ADGRL3: variants seen among roughly 807,000 people sequenced by gnomAD.
ADGRL3 encodes calcium-independent alpha-latrotoxin receptor 3.
In ADGRL3, 62 loss-of-function variants were observed where a neutral mutation model predicts 153.5. That is an observed-to-expected ratio of 0.40 (90% CI 0.33 to 0.50). The LOEUF (loss-of-function observed/expected upper bound fraction) is 0.50. ADGRL3 is among the 20% of genes least tolerant of loss of function. ADGRL3 has a pLI of 0.47. For synonymous variants in ADGRL3, 710 were observed against 672.5 expected (o/e 1.06, Z -0.86); for missense variants, 1,641 against 1,859.4 (o/e 0.88, Z 2.16).
rs745432386 is a variant in ADGRL3 at position 61,469,488 on chromosome 4, G to T, written c.-173-27633G>T. On this transcript the variant is annotated intron_variant, in intron 2 of 26. Transcript: ENST00000683033. ...TCCTTAGAAGCATTGGTCAGTTTTA[G>T]TTTGTGTGTGGGTAGGTGTGTTTTT... is the stretch of plus-strand genomic sequence containing the variant. Among the ~76,000 whole-genome samples, 4 of 152,116 alleles carry T rather than the reference G, an allele frequency of 2.6e-5. No homozygotes were observed. The South Asian group carries it at 6.2e-4, about 24-fold the overall frequency.
intron 9 of ADGRL3, among the ~76,000 whole-genome samples, chr4:61,883,149 C>T (rs928996669): frequency 3.0e-4 from 45 of 152,014 alleles, no homozygotes; most frequent in African/African-American, 9.7e-4. Context: ...ATTTGCAAGT[C>T]GCCTCCCCCA....
chr4:61,517,265 C>A (rs1335841696), intron 3 of ADGRL3, 50 bp from the exon 4 acceptor site: 4 of 693,762 alleles, frequency 5.8e-6, no homozygotes, highest in Admixed American at 2.0e-5. Flanking sequence ...TCCCCTGAGG[C>A]GGGACTGAGG....
At chr4:61,860,479 G>A (rs2098329146) in intron 9 of ADGRL3, among the ~76,000 whole-genome samples, 1 of 151,990 alleles carries the variant, frequency 6.6e-6, no homozygotes, top group African/African-American at 2.4e-5. Flanking sequence ...TCGGGTAATA[G>A]CCACTGCCAA....
rs1448408269 is a variant in ADGRL3, at chr4:61,983,457, G to A, written c.3090G>A (p.Gly1030=). The A allele has an allele frequency of 6.2e-7, 1 of 1,613,860 alleles. No individual in the cohort carries two copies. The highest frequency in any genetic ancestry group is 2.2e-5 in the East Asian group (1 of 44,856). ...CCTTCACCTGGATGTTCCTGGAGGG[G>A]GTGCAGCTTTATATCATGCTGGTGG... ...LAAFTWMFLE[G]VQLYIMLVEV... The change falls in exon 19 of 27, where the codon GGG becomes GGA. Residue 1030 remains glycine (G), a synonymous_variant. Transcript: ENST00000683033.
intron 4 of ADGRL3, among the ~76,000 whole-genome samples, chr4:61,586,367 G>A (rs1560888016): frequency 6.6e-6 from 1 of 151,658 alleles, no homozygotes; most frequent in Non-Finnish European, 1.5e-5. Context: ...ATGAGCATAG[G>A]GCATAGTTAA....
chr4:61,473,197 AT>A (rs1318591861), intron 2 of ADGRL3, among the ~76,000 whole-genome samples: 1 of 77,744 alleles, frequency 1.3e-5, no homozygotes, highest in East Asian at 3.9e-4. Context: ...AAAAACACCT[AT>A]TTGTATGTGT....
At chr4:62,043,314 A>C (rs12506045) in intron 24 of ADGRL3, among the ~76,000 whole-genome samples, 40,742 of 151,872 alleles carry the variant, frequency 0.27, 5,772 homozygotes, top group Middle Eastern at 0.36. Flanking sequence ...GAGGGTAATT[A>C]ATATTTTTAA....
chr4:61,809,678 A>T (rs2097586840), intron 8 of ADGRL3, among the ~76,000 whole-genome samples: 1 of 152,006 alleles, frequency 6.6e-6, no homozygotes, highest in South Asian at 2.1e-4. Flanking sequence ...TGTATTTATT[A>T]TGTTTACTGC....
intron 17 of ADGRL3, among the ~76,000 whole-genome samples, chr4:61,958,377 GTTTCTTTCT>G (rs1386265499): frequency 2.8e-4 from 42 of 148,168 alleles, no homozygotes; most frequent in South Asian, 2.8e-3. Flanking sequence ...TGTTGTAAAG[GTTTCTTTCT>G]TTCTTTCTTT....
intron 1 of ADGRL3, among the ~76,000 whole-genome samples, chr4:61,252,690 CT>C (rs5858685): frequency 0.32 from 46,926 of 147,944 alleles, 7,439 homozygotes; most frequent in South Asian, 0.39. Flanking sequence ...ATTAGATGAA[CT>C]TTTTTTTTTT....
At chr4:61,876,508 C>T (rs906151312) in intron 9 of ADGRL3, among the ~76,000 whole-genome samples, 2 of 152,070 alleles carry the variant, frequency 1.3e-5, no homozygotes, top group Non-Finnish European at 2.9e-5. Flanking sequence ...ATGATGAATA[C>T]AGATGTAAGT....
At chr4:61,793,122 T>C (rs2097364353) in intron 8 of ADGRL3, among the ~76,000 whole-genome samples, 1 of 151,964 alleles carries the variant, frequency 6.6e-6, no homozygotes, top group Admixed American at 6.6e-5. Context: ...GGAACTCCTC[T>C]TTATAAAACC....
chr4:62,052,627 T>C (rs1734832881), intron 25 of ADGRL3, among the ~76,000 whole-genome samples: 1 of 151,450 alleles, frequency 6.6e-6, no homozygotes, highest in Admixed American at 6.6e-5. Context: ...TCTTCTTTCC[T>C]GGAAGCTTTC....
At chr4:61,360,478 T>C (rs959960888) in intron 1 of ADGRL3, among the ~76,000 whole-genome samples, 3 of 152,142 alleles carry the variant, frequency 2.0e-5, no homozygotes, top group African/African-American at 7.2e-5. Flanking sequence ...AATTACGCAG[T>C]GGTCTTTGGC....
Position 61,627,490 on chromosome 4 carries a change from G to A in ADGRL3, c.473+40050G>A, listed in dbSNP as rs541121111. 4.3e-3 allele frequency among the ~76,000 whole-genome samples: 648 copies of A among 152,034 alleles called. 3 individuals are homozygous for A. Among genetic ancestry groups the A allele is most frequent in the Non-Finnish European group, 7.1e-3 (481 of 67,952 alleles). On this transcript the variant is annotated intron_variant, in intron 5 of 26. Coordinates refer to ENST00000683033, the MANE Select transcript of ADGRL3 (RefSeq NM_001387552.1). Reference sequence around the variant, plus strand: ...ACAAAAATTAGCTGGGCATGGTGGCGGGTGCCTGTGATCCCAGCTACTCGG... The same window carrying A: ...ACAAAAATTAGCTGGGCATGGTGGCAGGTGCCTGTGATCCCAGCTACTCGG...
At chr4:61,711,118 C>T (rs531460491) in intron 6 of ADGRL3, among the ~76,000 whole-genome samples, 1 of 151,982 alleles carries the variant, frequency 6.6e-6, no homozygotes, top group Non-Finnish European at 1.5e-5. Context: ...GAGAACCAAT[C>T]CCAAGATATC....
intron 2 of ADGRL3, among the ~76,000 whole-genome samples, chr4:61,452,050 T>C (rs2097681252): frequency 6.6e-6 from 1 of 152,188 alleles, no homozygotes; most frequent in African/African-American, 2.4e-5. Context: ...CAGATTACCC[T>C]TTTTCAGAGT....
chr4:61,352,061 T>G (rs2096062323), intron 1 of ADGRL3, among the ~76,000 whole-genome samples: 1 of 152,158 alleles, frequency 6.6e-6, no homozygotes, highest in Non-Finnish European at 1.5e-5. Context: ...ACTAAGGAAA[T>G]TTTGGATTCA....
intron 1 of ADGRL3, among the ~76,000 whole-genome samples, chr4:61,347,444 T>C (rs772406834): frequency 3.9e-5 from 6 of 152,146 alleles, no homozygotes; most frequent in African/African-American, 1.4e-4. Flanking sequence ...GTATTCAGTA[T>C]GTAATTCATG....
Sources: allele counts gnomAD v4.1 joint callset (sites outside exome capture counted in the v4.1 genomes callset), GRCh38; gene constraint gnomAD v4.1.1; transcripts MANE v1.5; gene names NCBI Gene and HGNC (gene_info 2026-07-23, HGNC 2026-07-21).